SLC6A6: variants seen among roughly 807,000 people sequenced by gnomAD.
The protein encoded by SLC6A6 is solute carrier family 6 member 6, also known as sodium- and chloride-dependent taurine transporter.
A neutral mutation model predicts 68.8 loss-of-function variants in SLC6A6; 16 were observed. The observed-to-expected ratio is 0.23, with a 90% CI of 0.16 to 0.35. The LOEUF is 0.35. SLC6A6 is among the 10% of genes least tolerant of loss of function. SLC6A6 has a pLI of 1.00. For synonymous variants in SLC6A6, 312 were observed against 315.4 expected (o/e 0.99, Z 0.12); for missense variants, 474 against 802.8 (o/e 0.59, Z 4.95).
chr3:14,407,800 C>G (rs141931328), intron 1 of SLC6A6, among the ~76,000 whole-genome samples: 2,272 of 152,334 alleles, frequency 0.015, 52 homozygotes, highest in African/African-American at 0.051. Flanking sequence ...CCCACCATAC[C>G]AGGCCCACTT....
chr3:14,485,360 A>G lies in SLC6A6; in HGVS notation c.*353A>G, dbSNP rs1701130550. On this transcript the variant is annotated 3_prime_UTR_variant, in exon 15 of 15. Transcript: ENST00000622186. ...AGTATATATACACTTAGAGATTGTC[A>G]TATACTTTTACCACTTGAATTGATC... is the stretch of plus-strand genomic sequence containing the variant. 1 of 163,472 alleles carries G rather than the reference A, an allele frequency of 6.1e-6. No individual in the cohort carries two copies. Among genetic ancestry groups the G allele is most frequent in the Non-Finnish European group, 1.3e-5 (1 of 75,482 alleles). The allele number at this position is 163,472 out of a possible 1,614,324, so 10.1% of individuals were successfully genotyped here. A position where few individuals can be genotyped will look rare whatever the true frequency, so the allele number is the denominator to read the frequency against.
intron 2 of SLC6A6, among the ~76,000 whole-genome samples, chr3:14,427,826 A>G (rs1488422804): frequency 6.6e-6 from 1 of 152,128 alleles, no homozygotes; most frequent in Non-Finnish European, 1.5e-5. Flanking sequence ...CTGCAGGTCC[A>G]CAGCAAAGTC....
rs999024263 is a variant in SLC6A6, at chr3:14,477,802, G to A, written c.1347+460G>A. Among the ~76,000 whole-genome samples the A allele has an allele frequency of 6.6e-6, 1 of 152,132 alleles. No homozygotes were observed. Among genetic ancestry groups the A allele is most frequent in the Admixed American group, 6.5e-5 (1 of 15,284 alleles). Reference sequence around the variant, plus strand: ...TCCTGGTGGGTATGGGTTGATAGGGGGCACATACACTATTCAGAGGGTGAG... The same window carrying A: ...TCCTGGTGGGTATGGGTTGATAGGGAGCACATACACTATTCAGAGGGTGAG... On this transcript the variant is annotated intron_variant, in intron 11 of 14. Coordinates refer to ENST00000622186, the MANE Select transcript of SLC6A6 (RefSeq NM_003043.6). This position sits in a 1 kb window ranked among gnomAD's most constrained non-coding sequence, Gnocchi z 4.2.
chr3:14,485,353 G>A lies in SLC6A6; in HGVS notation c.*346G>A, dbSNP rs1574973864. ...ACATATAAGTATATATACACTTAGA[G>A]ATTGTCATATACTTTTACCACTTGA... On this transcript the variant is annotated 3_prime_UTR_variant, in exon 15 of 15. Transcript: ENST00000622186. 1.2e-5 allele frequency: 2 copies of A among 168,766 alleles called. No homozygotes were observed. Among genetic ancestry groups the A allele is most frequent in the Admixed American group, 1.2e-4 (2 of 16,238 alleles). The allele number at this position is 168,766 out of a possible 1,614,324, so 10.5% of individuals were successfully genotyped here.
chr3:14,445,964 C>T (rs1700112285), intron 4 of SLC6A6, 113 bp downstream of exon 4: 1 of 1,045,406 alleles, frequency 9.6e-7, no homozygotes. Context: ...TCACTTAGCT[C>T]TATGCTGACA....
Position 14,467,849 on chromosome 3 carries a change from A to T in SLC6A6, c.868-4A>T. 6.3e-7 allele frequency: 1 copy of T among 1,593,646 alleles called. No homozygotes were observed. Reference sequence around the variant, plus strand: ...TTTCCTTGCCACCTCCCTCCCCCTCATAGGTGTGGATTGACGCTGGGACTC... The same window carrying T: ...TTTCCTTGCCACCTCCCTCCCCCTCTTAGGTGTGGATTGACGCTGGGACTC... On this transcript the variant is annotated splice_polypyrimidine_tract_variant and splice_region_variant and intron_variant, in intron 7 of 14. Transcript: ENST00000622186.
At chr3:14,421,845 C>G (rs892503657) in intron 2 of SLC6A6, among the ~76,000 whole-genome samples, 2 of 152,202 alleles carry the variant, frequency 1.3e-5, no homozygotes, top group Non-Finnish European at 2.9e-5. Flanking sequence ...CACACAGCTG[C>G]TGCTGGGAGC....
At chr3:14,446,729 G>A (rs534264872) in intron 4 of SLC6A6, among the ~76,000 whole-genome samples, 22 of 152,280 alleles carry the variant, frequency 1.4e-4, no homozygotes, top group African/African-American at 3.9e-4. Context: ...AAATATAGTC[G>A]TATGTTTACT....
intron 2 of SLC6A6, among the ~76,000 whole-genome samples, chr3:14,429,701 T>C (rs927858759): frequency 5.3e-5 from 8 of 152,152 alleles, no homozygotes; most frequent in African/African-American, 1.7e-4. Flanking sequence ...ATTCAGTCAG[T>C]AGGGCTGCAT....
intron 5 of SLC6A6, among the ~76,000 whole-genome samples, chr3:14,454,565 C>T (rs1194971013): frequency 1.3e-5 from 2 of 152,112 alleles, no homozygotes; most frequent in African/African-American, 2.4e-5. Flanking sequence ...GAAAGAATGT[C>T]GGTTGCTCTG....
chr3:14,447,515 G>A, intron 4 of SLC6A6, 67 bp from the exon 5 acceptor site: 1 of 1,587,358 alleles, frequency 6.3e-7, no homozygotes, highest in Non-Finnish European at 8.6e-7. Context: ...CCTTCCAGTT[G>A]AGTATGTGGC....
chr3:14,403,941 C>A (rs1337430050), intron 1 of SLC6A6, among the ~76,000 whole-genome samples: 2 of 152,190 alleles, frequency 1.3e-5, no homozygotes, highest in East Asian at 3.9e-4. Flanking sequence ...CACTGTTGGG[C>A]CTCTGCCAGA....
intron 2 of SLC6A6, among the ~76,000 whole-genome samples, chr3:14,435,723 G>A (rs1308455134): frequency 1.3e-5 from 2 of 152,238 alleles, no homozygotes; most frequent in African/African-American, 4.8e-5. Context: ...CACAGGCTGA[G>A]TCTGGCCCCC....
chr3:14,457,927 C>G (rs1700406460), intron 5 of SLC6A6, 23 bp from the exon 6 acceptor site: 2 of 1,613,600 alleles, frequency 1.2e-6, no homozygotes, highest in Admixed American at 1.7e-5. Context: ...CTCACTGACT[C>G]CTGGCTCTGT....
intron 2 of SLC6A6, among the ~76,000 whole-genome samples, chr3:14,427,294 G>A (rs1699622172): frequency 6.6e-6 from 1 of 152,150 alleles, no homozygotes; most frequent in South Asian, 2.1e-4. Context: ...TGGGCACCTG[G>A]CCCTGTCCTG....
At chr3:14,470,470 C>G in intron 9 of SLC6A6, among the ~76,000 whole-genome samples, 1 of 152,226 alleles carries the variant, frequency 6.6e-6, no homozygotes, top group South Asian at 2.1e-4. Flanking sequence ...CTGGACTTCT[C>G]TCTCTTGAGT....
At chr3:14,410,776 A>C (rs1198947305) in intron 1 of SLC6A6, among the ~76,000 whole-genome samples, 2 of 152,224 alleles carry the variant, frequency 1.3e-5, no homozygotes, top group African/African-American at 2.4e-5. Flanking sequence ...CATAAATGCC[A>C]AGTGACTCAC....
chr3:14,453,941 G>A (rs553783299), intron 5 of SLC6A6, among the ~76,000 whole-genome samples: 1 of 152,314 alleles, frequency 6.6e-6, no homozygotes, highest in South Asian at 2.1e-4. Context: ...GTGGCTGAAG[G>A]AGGAGGAAGT....
At chr3:14,463,300 T>A (rs1700536684) in intron 6 of SLC6A6, among the ~76,000 whole-genome samples, 1 of 152,246 alleles carries the variant, frequency 6.6e-6, no homozygotes, top group Admixed American at 6.5e-5. Flanking sequence ...CTGGCTCTTC[T>A]CAGTTGTCTG....
Sources: allele counts gnomAD v4.1 joint callset (sites outside exome capture counted in the v4.1 genomes callset), GRCh38; gene constraint gnomAD v4.1.1; non-coding constraint Gnocchi (gnomAD v3.1); transcripts MANE v1.5; gene names NCBI Gene and HGNC (gene_info 2026-07-23, HGNC 2026-07-21).